RAB19: variants seen among roughly 807,000 people sequenced by gnomAD.
RAB19 encodes RAB19, member RAS oncogene family.
In RAB19, 21 loss-of-function variants were observed where a neutral mutation model predicts 17.3. The ratio of observed to expected loss-of-function variants is 1.21; its 90% CI spans 0.86 to 1.74. The LOEUF is 1.74. RAB19 is among the 40% of genes most tolerant of loss of function. The pLI, the probability that RAB19 is intolerant of heterozygous loss-of-function variation, is 0.00. For missense variants in RAB19, 277 were observed against 286.8 expected (o/e 0.97, Z 0.25); for synonymous variants, 126 against 110.4 (o/e 1.14, Z -0.88).
At chr7:140,411,594 G>T (rs1453948619) in intron 2 of RAB19, among the ~76,000 whole-genome samples, 1 of 151,784 alleles carries the variant, frequency 6.6e-6, no homozygotes, top group African/African-American at 2.4e-5. Context: ...TTGAAAATTT[G>T]TGTTGGGCTG....
chr7:140,415,977 G>A (rs1244133454), intron 3 of RAB19, among the ~76,000 whole-genome samples: 2 of 151,996 alleles, frequency 1.3e-5, no homozygotes, highest in South Asian at 4.2e-4. Context: ...AGGCTGAGGT[G>A]GGGGGTTGCT....
chr7:140,409,941 C>T (rs779068754), intron 2 of RAB19, among the ~76,000 whole-genome samples: 136 of 138,568 alleles, frequency 9.8e-4, no homozygotes, highest in Non-Finnish European at 1.8e-3. Context: ...TGCACTGAGC[C>T]GAGATCATAC....
intron 3 of RAB19, among the ~76,000 whole-genome samples, chr7:140,424,881 A>G (rs1331543139): frequency 6.6e-6 from 1 of 152,086 alleles, no homozygotes; most frequent in Non-Finnish European, 1.5e-5. Context: ...TTTGTAATAA[A>G]TCTTGATGTC....
At chr7:140,413,239 A>C (rs1404056263) in intron 3 of RAB19, among the ~76,000 whole-genome samples, 3 of 152,144 alleles carry the variant, frequency 2.0e-5, no homozygotes, top group African/African-American at 7.2e-5. Flanking sequence ...CCATTGGTCT[A>C]TGTGTCTGTT....
intron 3 of RAB19, among the ~76,000 whole-genome samples, chr7:140,422,897 C>T (rs1171857068): frequency 1.3e-5 from 2 of 152,192 alleles, no homozygotes; most frequent in African/African-American, 2.4e-5. Flanking sequence ...CACTTGAGGT[C>T]AGGAGTTCAA....
intron 3 of RAB19, among the ~76,000 whole-genome samples, chr7:140,413,160 C>G (rs1799397402): frequency 6.6e-6 from 1 of 152,086 alleles, no homozygotes; most frequent in East Asian, 1.9e-4. Context: ...AACATATGTT[C>G]TTAGCACCTT....
At chr7:140,414,175 G>A (rs1045275970) in intron 3 of RAB19, among the ~76,000 whole-genome samples, 7 of 152,094 alleles carry the variant, frequency 4.6e-5, no homozygotes, top group African/African-American at 1.7e-4. Flanking sequence ...CTCCCAAGTA[G>A]CTGGGATTAC....
In RAB19 at chr7:140,419,579, T is replaced by G. The variant is rs60382587; in HGVS notation, c.386-6303T>G. Among the ~76,000 whole-genome samples, 1,238 of 152,270 alleles carry G rather than the reference T, an allele frequency of 8.1e-3. 15 individuals are homozygous for G. Among genetic ancestry groups the G allele is most frequent in the African/African-American group, 0.029 (1,190 of 41,550 alleles). On this transcript the variant is annotated intron_variant, in intron 3 of 3. Transcript: ENST00000537763. ...GCAATGGACATTTGAGTTGCTTCTA[T>G]TTTGGGGCAACTAGGAAAATTGCTG... is the stretch of plus-strand genomic sequence containing the variant.
At chr7:140,425,788 C>T in intron 3 of RAB19, 94 bp from the exon 4 acceptor site, 17 of 1,327,168 alleles carry the variant, frequency 1.3e-5, no homozygotes, top group Non-Finnish European at 1.7e-5. Flanking sequence ...GCATGCATGC[C>T]TATTGAAGAA....
At chr7:140,425,457 G>C (rs1799647185) in intron 3 of RAB19, among the ~76,000 whole-genome samples, 1 of 152,092 alleles carries the variant, frequency 6.6e-6, no homozygotes, top group African/African-American at 2.4e-5. Flanking sequence ...CGGGTGCAGT[G>C]GCTCATGCCT....
rs1327749229 is a variant in RAB19 at position 140,425,874 on chromosome 7, C to A, written c.386-8C>A. The A allele has an allele frequency of 1.9e-6, 3 of 1,599,132 alleles. No individual in the cohort carries two copies. The highest frequency in any genetic ancestry group is 2.6e-6 in the Non-Finnish European group (3 of 1,171,502). The stretch of plus-strand genomic sequence containing the variant: ...TCAATGGAATATCGGCTTATCTTTT[C>A]CTTCCAGGAAATAAATGTGACCTCT... On this transcript the variant is annotated splice_region_variant and splice_polypyrimidine_tract_variant and intron_variant, in intron 3 of 3. Coordinates refer to ENST00000537763, the MANE Select transcript of RAB19 (RefSeq NM_001008749.3).
At chr7:140,405,378 G>A (rs780897526) in intron 1 of RAB19, among the ~76,000 whole-genome samples, 5 of 151,824 alleles carry the variant, frequency 3.3e-5, no homozygotes, top group Non-Finnish European at 2.9e-5. Flanking sequence ...ATGCCACCAC[G>A]CCCGGCTAAT....
intron 3 of RAB19, among the ~76,000 whole-genome samples, chr7:140,420,472 G>A (rs1799538415): frequency 6.6e-6 from 1 of 151,552 alleles, no homozygotes; most frequent in South Asian, 2.1e-4. Flanking sequence ...GAGGCAGGGA[G>A]TCTTCTATGA....
In RAB19 at chr7:140,411,920, C is replaced by A. The variant is rs748172408; in HGVS notation, c.248C>A (p.Thr83Asn). ...GGCCAGGAGCGCTTCCGCACCATCA[C>A]CCAAAGCTACTACCGCAGTGCCCAC... ...TAGQERFRTI[T>N]QSYYRSAHAA... Residue 83 changes from threonine (T) to asparagine (N), a missense_variant, in exon 3 of 4, where the codon ACC becomes AAC. Physicochemically the swap from Thr to Asn is moderately conservative, Grantham distance 65 (BLOSUM62 0). Coordinates refer to ENST00000537763, the MANE Select transcript of RAB19 (RefSeq NM_001008749.3). 1.2e-6 allele frequency: 2 copies of A among 1,614,198 alleles called. No individual in the cohort carries two copies.
intron 3 of RAB19, among the ~76,000 whole-genome samples, chr7:140,422,289 G>A (rs576213101): frequency 2.0e-5 from 3 of 151,962 alleles, no homozygotes; most frequent in Non-Finnish European, 4.4e-5. Flanking sequence ...CTCGGGAGGC[G>A]GAGGCAGGAG....
At chr7:140,425,859 A>G (rs771057610) in intron 3 of RAB19, 23 bp from the exon 4 acceptor site, 2 of 1,590,412 alleles carry the variant, frequency 1.3e-6, no homozygotes, top group Admixed American at 1.8e-5. Context: ...TCAATGGAAT[A>G]TCGGCTTATC....
intron 2 of RAB19, 50 bp from the exon 3 acceptor site, chr7:140,411,824 A>G: frequency 6.2e-7 from 1 of 1,614,062 alleles, no homozygotes; most frequent in Non-Finnish European, 8.5e-7. Flanking sequence ...AGGAGTTCCC[A>G]TTACCTGTGG....
At chr7:140,418,596 G>A (rs1023985096) in intron 3 of RAB19, among the ~76,000 whole-genome samples, 2 of 148,652 alleles carry the variant, frequency 1.3e-5, no homozygotes, top group Admixed American at 6.7e-5. Flanking sequence ...AAAAAAAGAA[G>A]AATATTGACT....
At chr7:140,411,032 G>T (rs763023395) in intron 2 of RAB19, 1 of 1,367,738 alleles carries the variant, frequency 7.3e-7, no homozygotes, top group South Asian at 1.1e-5. Flanking sequence ...AGACTCAAAA[G>T]ATGAGCCCCC....
Sources: allele counts gnomAD v4.1 joint callset (sites outside exome capture counted in the v4.1 genomes callset), GRCh38; gene constraint gnomAD v4.1.1; transcripts MANE v1.5; gene names NCBI Gene and HGNC (gene_info 2026-07-23, HGNC 2026-07-21).